The following PBX1 variants were observed in gnomAD, a reference collection of about 807,000 sequenced individuals.
The protein encoded by PBX1 is pre-B-cell leukemia transcription factor 1.
PBX1 carries 6 observed loss-of-function variants against 53.4 expected under a neutral mutation model. That is an observed-to-expected ratio of 0.11 (90% CI 0.06 to 0.22). The LOEUF is 0.22. PBX1 is among the 10% of genes least tolerant of loss of function. The pLI, the probability that PBX1 is intolerant of heterozygous loss-of-function variation, is 1.00. For missense variants in PBX1, 251 were observed against 551.4 expected, an observed-to-expected ratio of 0.46 and a Z score of 5.46; for synonymous variants, 204 against 212.3, an observed-to-expected ratio of 0.96 and a Z score of 0.34.
At chr1:164,772,068 C>G (rs1294172016) in intron 2 of PBX1, among the ~76,000 whole-genome samples, 1 of 152,234 alleles carries the variant, frequency 6.6e-6, no homozygotes, top group African/African-American at 2.4e-5. Flanking sequence ...TTCATCCTTT[C>G]TCAGGAAAGC....
chr1:164,715,132 T>C (rs533968371), intron 2 of PBX1, among the ~76,000 whole-genome samples: 3 of 152,216 alleles, frequency 2.0e-5, no homozygotes, highest in East Asian at 1.9e-4. Context: ...ATGTTCACTA[T>C]TGAATAGTTG....
intron 2 of PBX1, among the ~76,000 whole-genome samples, chr1:164,573,995 A>G (rs1654050175): frequency 6.6e-6 from 1 of 152,164 alleles, no homozygotes; most frequent in South Asian, 2.1e-4. Context: ...GTAGCAATTG[A>G]AATTGTTGCC....
intron 2 of PBX1, among the ~76,000 whole-genome samples, chr1:164,619,999 C>T (rs1158929059): frequency 1.3e-5 from 2 of 152,082 alleles, no homozygotes; most frequent in South Asian, 4.2e-4. Flanking sequence ...TTGAGACCAG[C>T]CTGGTCAACA....
intron 2 of PBX1, among the ~76,000 whole-genome samples, chr1:164,607,814 G>A (rs905626695): frequency 6.6e-6 from 1 of 152,094 alleles, no homozygotes; most frequent in Non-Finnish European, 1.5e-5. Context: ...GGAGGGAGTA[G>A]CATCTTAAAA....
chr1:164,691,584 C>T (rs17383719), intron 2 of PBX1, among the ~76,000 whole-genome samples: 68,065 of 151,950 alleles, frequency 0.45, 16,445 homozygotes, highest in Admixed American at 0.56. Flanking sequence ...GAGGCTGAAG[C>T]GTCTTCTAGG....
intron 2 of PBX1, among the ~76,000 whole-genome samples, chr1:164,789,670 T>C (rs1345879051): frequency 6.6e-6 from 1 of 152,326 alleles, no homozygotes; most frequent in South Asian, 2.1e-4. Context: ...CTGTTGTTGT[T>C]GAGACCAGAG....
intron 6 of PBX1, chr1:164,819,424 G>A (rs1167649703): frequency 6.6e-6 from 1 of 151,992 alleles, no homozygotes; most frequent in Non-Finnish European, 1.5e-5. Flanking sequence ...GGCAGAGAAG[G>A]GTAGATCACT....
At chr1:164,702,722 G>C (rs1173129665) in intron 2 of PBX1, among the ~76,000 whole-genome samples, 1 of 150,316 alleles carries the variant, frequency 6.7e-6, no homozygotes, top group Non-Finnish European at 1.5e-5. Flanking sequence ...GACAGAGGGG[G>C]AAATCACTTC....
At chr1:164,577,293 T>C (rs1053881426) in intron 2 of PBX1, among the ~76,000 whole-genome samples, 4 of 152,222 alleles carry the variant, frequency 2.6e-5, no homozygotes, top group Non-Finnish European at 4.4e-5. Flanking sequence ...CTGATTTCTT[T>C]AACACTTGAA....
intron 2 of PBX1, among the ~76,000 whole-genome samples, chr1:164,782,085 C>G (rs1353426163): frequency 6.6e-6 from 1 of 152,078 alleles, no homozygotes; most frequent in East Asian, 1.9e-4. Flanking sequence ...TTATTTTTTC[C>G]CTTCTTTCTT....
intron 2 of PBX1, chr1:164,770,607 T>A (rs1006410872): frequency 6.6e-6 from 1 of 152,200 alleles, no homozygotes; most frequent in African/African-American, 2.4e-5. Flanking sequence ...TACTGGCTCA[T>A]CTCTATTTTC....
intron 2 of PBX1, among the ~76,000 whole-genome samples, chr1:164,640,846 C>T (rs751392228): frequency 3.3e-5 from 5 of 152,188 alleles, no homozygotes; most frequent in African/African-American, 4.8e-5. Context: ...GCATGAGCCA[C>T]TGCAGCGGCC....
At position 164,875,767 on chromosome 1, in the gene PBX1, T is replaced by G. The variant is rs58769797; in HGVS notation, n.258-23421T>G. Among the ~76,000 whole-genome samples, 741 of 152,170 alleles carry G rather than the reference T, an allele frequency of 4.9e-3. 6 individuals are homozygous for G. Among genetic ancestry groups the G allele is most frequent in the African/African-American group, 0.016 (680 of 41,506 alleles). On this transcript the variant is annotated intron_variant and non_coding_transcript_variant, in intron 2 of 2. Transcript: ENST00000558796. ...GGCAACCAGCCCTTTCTTAAAGGGA[T>G]ATGTGAAGGGCACATTTGCATGATT...
At chr1:164,771,550 A>G (rs1002382784) in intron 2 of PBX1, 4 of 151,766 alleles carry the variant, frequency 2.6e-5, no homozygotes, top group Non-Finnish European at 5.9e-5. Flanking sequence ...TTTTCTCTTA[A>G]ACAGCTTTTT....
rs192900453 is a variant in PBX1, at chr1:164,615,920, G to A, written c.265+52609G>A. On this transcript the variant is annotated intron_variant, in intron 2 of 8. Coordinates refer to ENST00000420696, the MANE Select transcript of PBX1 (RefSeq NM_002585.4). ...TGGGTTGGATATGCCTGGAAGGGTC[G>A]CAGAGGTTAAGAGCCAGGAGTCTGG... Among the ~76,000 whole-genome samples the A allele has an allele frequency of 1.7e-4, 26 of 152,250 alleles. No homozygotes were observed. In the East Asian group the frequency reaches 2.1e-3, roughly 12 times the overall value.
intron 2 of PBX1, chr1:164,683,713 A>C (rs963277265): frequency 6.6e-6 from 1 of 150,564 alleles, no homozygotes; most frequent in African/African-American, 2.4e-5. Context: ...CTTACTGTCA[A>C]ATTTTGCTTT....
chr1:164,695,264 A>G (rs542655666), intron 2 of PBX1, among the ~76,000 whole-genome samples: 2 of 152,124 alleles, frequency 1.3e-5, no homozygotes, highest in African/African-American at 2.4e-5. Context: ...AGAATTATTC[A>G]TTTTGGTCTG....
intron 2 of PBX1, among the ~76,000 whole-genome samples, chr1:164,749,957 G>C (rs2102190704): frequency 6.6e-6 from 1 of 152,176 alleles, no homozygotes; most frequent in Admixed American, 6.5e-5. Context: ...TAAATTAGCT[G>C]GGCAAGGTGG....
At chr1:164,563,212 G>A in intron 1 of PBX1, 26 bp from the exon 2 acceptor site, 1 of 1,555,544 alleles carries the variant, frequency 6.4e-7, no homozygotes, top group Middle Eastern at 1.7e-4. Flanking sequence ...GTCCACCTAA[G>A]CTATCATGTT....
Sources: gnomAD v4.1 joint callset for allele counts (sites outside exome capture counted in the v4.1 genomes callset) on GRCh38, gnomAD v4.1.1 for gene constraint, MANE v1.5 for transcripts, NCBI Gene and HGNC (gene_info 2026-07-23, HGNC 2026-07-21) for gene names.